FRS2: variants seen among roughly 807,000 people sequenced by gnomAD.
FRS2 encodes the protein FGFR signalling adaptor.
In FRS2, 8 loss-of-function variants were observed where a neutral mutation model predicts 43.9. The observed-to-expected ratio is 0.18, with a 90% CI of 0.11 to 0.33. The LOEUF is 0.33. Among genes scored for constraint, FRS2 ranks in the 10% least tolerant of loss-of-function variants. The probability of loss-of-function intolerance (pLI) is 1.00; values close to 1 mark genes in which losing one functional copy is unlikely to be tolerated. For synonymous variants in FRS2, 219 were observed against 220.3 expected, an observed-to-expected ratio of 0.99 and a Z score of 0.05; for missense variants, 534 against 627.6, an observed-to-expected ratio of 0.85 and a Z score of 1.59.
chr12:69,555,293 G>A (rs559888764), intron 3 of FRS2, among the ~76,000 whole-genome samples: 10 of 151,932 alleles, frequency 6.6e-5, no homozygotes, highest in African/African-American at 2.2e-4. Flanking sequence ...TGATCTGCCC[G>A]CCTCAGCCTC....
intron 1 of FRS2, among the ~76,000 whole-genome samples, chr12:69,485,134 C>CACACACACACACACACACACACAT (rs1194988609): frequency 0.019 from 2,555 of 134,252 alleles, 128 homozygotes; most frequent in East Asian, 0.12. Flanking sequence ...CACACACACA[C>CACACACACACACACACACACACAT]ACTCTCACCC....
At chr12:69,566,497 G>A (rs1428070841) in intron 4 of FRS2, among the ~76,000 whole-genome samples, 1 of 151,948 alleles carries the variant, frequency 6.6e-6, no homozygotes, top group African/African-American at 2.4e-5. Flanking sequence ...TATAGAATAT[G>A]TGCCATGTCT....
At chr12:69,519,146 C>CATATCTA (rs1875367752) in intron 1 of FRS2, among the ~76,000 whole-genome samples, 1 of 152,058 alleles carries the variant, frequency 6.6e-6, no homozygotes. Flanking sequence ...GTGACAGTCT[C>CATATCTA]TGGGACACAT....
intron 1 of FRS2, among the ~76,000 whole-genome samples, chr12:69,499,469 C>T (rs530821234): frequency 6.6e-5 from 10 of 151,902 alleles, no homozygotes; most frequent in Admixed American, 5.9e-4. Context: ...TAGAAATGAC[C>T]CCTGTTAATA....
At chr12:69,569,667 G>T (rs569058736) in intron 5 of FRS2, among the ~76,000 whole-genome samples, 1 of 152,304 alleles carries the variant, frequency 6.6e-6, no homozygotes, top group East Asian at 1.9e-4. Context: ...CCTTGGGCAG[G>T]TTACGTTATT....
At chr12:69,572,016 C>A in intron 7 of FRS2, 102 bp from the exon 8 acceptor site, 1 of 760,500 alleles carries the variant, frequency 1.3e-6, no homozygotes, top group Non-Finnish European at 2.1e-6. Flanking sequence ...GCTGTCTTGG[C>A]AGAAAGACCT....
At chr12:69,481,207 A>G (rs1014828481) in intron 1 of FRS2, among the ~76,000 whole-genome samples, 1 of 152,006 alleles carries the variant, frequency 6.6e-6, no homozygotes, top group African/African-American at 2.4e-5. Flanking sequence ...CTTTTACCTC[A>G]GGGTGTATTT....
At chr12:69,493,450 A>T in intron 1 of FRS2, among the ~76,000 whole-genome samples, 1 of 152,202 alleles carries the variant, frequency 6.6e-6, no homozygotes, top group East Asian at 1.9e-4. Context: ...GCCGGGCGCG[A>T]TGGCTCACGC....
In FRS2 at chr12:69,496,127, A is replaced by G. The variant is rs76616279; in HGVS notation, c.-261+25597A>G. On this transcript the variant is annotated intron_variant, in intron 1 of 8. Transcript: ENST00000549921. ...AAACTCTGTCCTAAAACATATTGTC[A>G]TGGATTTACACTTAAAGCTTGTAGT... Among the ~76,000 whole-genome samples the G allele has an allele frequency of 6.5e-3, 984 of 152,238 alleles. 12 individuals carry two copies. Among genetic ancestry groups the G allele is most frequent in the African/African-American group, 0.021 (889 of 41,556 alleles).
At chr12:69,493,355 A>G (rs1053798135) in intron 1 of FRS2, among the ~76,000 whole-genome samples, 1 of 152,226 alleles carries the variant, frequency 6.6e-6, no homozygotes, top group Non-Finnish European at 1.5e-5. Context: ...TCCCATTAAA[A>G]TATGATGTGG....
At chr12:69,475,656 C>T (rs1467870830) in intron 1 of FRS2, among the ~76,000 whole-genome samples, 1 of 152,104 alleles carries the variant, frequency 6.6e-6, no homozygotes, top group African/African-American at 2.4e-5. Context: ...TGGTATTCAA[C>T]CTTGGGAGAG....
chr12:69,500,348 A>G (rs1314744772), intron 1 of FRS2, among the ~76,000 whole-genome samples: 2 of 152,226 alleles, frequency 1.3e-5, no homozygotes, highest in Admixed American at 6.5e-5. Flanking sequence ...AAGTGGGCAT[A>G]CATCCCACAC....
chr12:69,522,190 T>TG (rs1211781925), intron 1 of FRS2, among the ~76,000 whole-genome samples: 5 of 134,714 alleles, frequency 3.7e-5, no homozygotes, highest in African/African-American at 8.5e-5. Context: ...GAAGTTTTCT[T>TG]TGTGTGTGTG....
intron 3 of FRS2, among the ~76,000 whole-genome samples, chr12:69,559,454 T>TA (rs375786813): frequency 2.8e-4 from 42 of 151,396 alleles, no homozygotes; most frequent in East Asian, 7.7e-4. Context: ...GCCCTCAGAT[T>TA]AAAAAAAAAC....
chr12:69,571,502 T>C lies in FRS2; in HGVS notation c.412+68T>C, dbSNP rs535124862. On this transcript the variant is annotated intron_variant, in intron 7 of 8. Transcript: ENST00000549921. The stretch of plus-strand genomic sequence containing the variant: ...TTAGTTGTAAGCTATAGATTGTGGG[T>C]ATTTAATCAATAACACACTAGAAAT... The C allele has an allele frequency of 5.7e-6, 7 of 1,218,328 alleles. No homozygotes were observed. The African/African-American group carries it at 9.0e-5, about 16-fold the overall frequency. The allele number at this position is 1,218,328 out of a possible 1,614,324, so 75.5% of individuals were successfully genotyped here.
At chr12:69,552,231 G>A (rs1234362382) in intron 3 of FRS2, among the ~76,000 whole-genome samples, 2 of 149,306 alleles carry the variant, frequency 1.3e-5, no homozygotes, top group African/African-American at 4.9e-5. Flanking sequence ...GAACCTGGGA[G>A]GCGGAGGTTG....
Position 69,572,119 on chromosome 12 carries a change from T to C in FRS2, c.414T>C (p.Thr138=). 1 of 1,612,516 alleles carries C rather than the reference T, an allele frequency of 6.2e-7. No homozygotes were observed. Among genetic ancestry groups the C allele is most frequent in the Non-Finnish European group, 8.5e-7 (1 of 1,179,090 alleles). Residue 138 remains threonine, a splice_region_variant and synonymous_variant, in exon 8 of 9, where the codon ACT becomes ACC. Coordinates refer to ENST00000549921, the MANE Select transcript of FRS2 (RefSeq NM_001278356.2). ...EVPRTPRTPT[T]PGFAAQNLPN... is the part of the protein sequence containing the mutation. ...TTAAACCAATAAACAAAAACTCAGC[T>C]CCAGGATTTGCTGCTCAGAACTTAC...
chr12:69,540,752 C>T (rs1877830730), intron 3 of FRS2, among the ~76,000 whole-genome samples: 1 of 152,136 alleles, frequency 6.6e-6, no homozygotes, highest in Non-Finnish European at 1.5e-5. Flanking sequence ...AGTAACTTCA[C>T]AGTGGAGAAA....
chr12:69,493,773 A>G (rs1872659427), intron 1 of FRS2, among the ~76,000 whole-genome samples: 1 of 152,246 alleles, frequency 6.6e-6, no homozygotes, highest in Non-Finnish European at 1.5e-5. Flanking sequence ...CTAAAATGGC[A>G]AATGATAGCA....
Sources: gnomAD v4.1 joint callset for allele counts (sites outside exome capture counted in the v4.1 genomes callset) on GRCh38, gnomAD v4.1.1 for gene constraint, MANE v1.5 for transcripts, NCBI Gene and HGNC (gene_info 2026-07-23, HGNC 2026-07-21) for gene names.